AGPS: variants seen among roughly 807,000 people sequenced by gnomAD.
The protein encoded by AGPS is alkyldihydroxyacetonephosphate synthase, peroxisomal.
A neutral mutation model predicts 90.7 loss-of-function variants in AGPS; 26 were observed. The ratio of observed to expected loss-of-function variants is 0.29; its 90% confidence interval spans 0.21 to 0.40. AGPS has a LOEUF of 0.40. Among genes scored for constraint, AGPS ranks in the 10% least tolerant of loss-of-function variants. The probability of loss-of-function intolerance (pLI) is 1.00; values close to 1 mark genes in which losing one functional copy is unlikely to be tolerated. For synonymous variants in AGPS, 294 were observed against 285.3 expected, an observed-to-expected ratio of 1.03 and a Z score of -0.31; for missense variants, 540 against 816.1, an observed-to-expected ratio of 0.66 and a Z score of 4.12.
chr2:177,538,439 T>C lies in AGPS; in HGVS notation c.*244T>C, dbSNP rs2079203075. 4 of 497,370 alleles carry C rather than the reference T, an allele frequency of 8.0e-6. No homozygotes were observed. Among genetic ancestry groups the C allele is most frequent in the Non-Finnish European group, 1.4e-5 (4 of 279,478 alleles). The allele number at this position is 497,370 out of a possible 1,614,324, so 30.8% of individuals were successfully genotyped here. ...ATTCAGCGGTTGTCATTTCAAATTTTAGTCAGGCAGCACAAAGCTGTCAAT... is the reference window on the plus strand; with the variant it reads ...ATTCAGCGGTTGTCATTTCAAATTTCAGTCAGGCAGCACAAAGCTGTCAAT... On this transcript the variant is annotated 3_prime_UTR_variant, in exon 20 of 20. Transcript: ENST00000264167.
chr2:177,493,369 T>C (rs1176750681), intron 12 of AGPS, among the ~76,000 whole-genome samples, 170 bp downstream of exon 12: 1 of 152,214 alleles, frequency 6.6e-6, no homozygotes, highest in East Asian at 1.9e-4. Flanking sequence ...GTAGCAGTGT[T>C]GGAGGGCCTG....
At position 177,442,469 on chromosome 2, in the gene AGPS, T is replaced by C; in HGVS notation, c.772T>C (p.Leu258=). 6.2e-7 allele frequency: 1 copy of C among 1,611,874 alleles called. No individual in the cohort carries two copies. The highest frequency in any genetic ancestry group is 8.5e-7 in the Non-Finnish European group (1 of 1,177,970). ...PADETRTIIS[L]DTSQMNRILW... ...AGATGAGACAAGAACAATTATTTCT[T>C]TGGACACTTCACAAATGGTATTTAA... is the stretch of plus-strand genomic sequence containing the variant. The change falls in exon 7 of 20, where the codon TTG becomes CTG. Residue 258 remains leucine (L), a synonymous_variant. Transcript: ENST00000264167.
chr2:177,476,200 T>G (rs895456624), intron 10 of AGPS, among the ~76,000 whole-genome samples: 1 of 152,048 alleles, frequency 6.6e-6, no homozygotes, highest in Non-Finnish European at 1.5e-5. Flanking sequence ...TCTCTAATAA[T>G]TCCTTCTGTC....
chr2:177,428,730 C>T (rs1686151398), intron 2 of AGPS, among the ~76,000 whole-genome samples: 2 of 152,166 alleles, frequency 1.3e-5, no homozygotes, highest in Non-Finnish European at 2.9e-5. Flanking sequence ...CCTGGCCTTT[C>T]TCTCTGGCTA....
intron 3 of AGPS, 71 bp from the exon 4 acceptor site, chr2:177,436,693 A>G (rs913605632): frequency 6.9e-6 from 10 of 1,459,326 alleles, no homozygotes; most frequent in Admixed American, 1.7e-5. Context: ...TTTTATAGTC[A>G]TTCTCTCTAA....
intron 10 of AGPS, among the ~76,000 whole-genome samples, chr2:177,469,897 A>C (rs1359801049): frequency 6.6e-6 from 1 of 152,130 alleles, no homozygotes; most frequent in Non-Finnish European, 1.5e-5. Context: ...TTATGCTGGG[A>C]CATTTGAGAC....
intron 1 of AGPS, among the ~76,000 whole-genome samples, chr2:177,404,711 A>G (rs1045218664): frequency 5.3e-5 from 8 of 152,106 alleles, no homozygotes; most frequent in African/African-American, 1.7e-4. Flanking sequence ...TTTTTCTTTT[A>G]TATCAGTTGG....
chr2:177,537,346 C>G (rs2079193068), intron 19 of AGPS, among the ~76,000 whole-genome samples: 1 of 149,316 alleles, frequency 6.7e-6, no homozygotes, highest in Non-Finnish European at 1.5e-5. Flanking sequence ...AACAAATTAG[C>G]AAGACCTAGA....
Position 177,539,561 on chromosome 2 carries a change from G to A in AGPS, c.*1366G>A, listed in dbSNP as rs2079213447. ...AGATAATGTAAGTCAAAATGCAGAC[G>A]ATCCTTTAAAAGGATGCATTGTCTG... On this transcript the variant is annotated 3_prime_UTR_variant, in exon 20 of 20. Coordinates refer to ENST00000264167, the MANE Select transcript of AGPS (RefSeq NM_003659.4). 6.6e-6 allele frequency: 1 copy of A among 151,930 alleles called. No homozygotes were observed. The highest frequency in any genetic ancestry group is 6.6e-5 in the Admixed American group (1 of 15,236). 9.4% of individuals were successfully genotyped at this position (151,930 alleles called of 1,614,324 possible). A position where few individuals can be genotyped will look rare whatever the true frequency, so the allele number is the denominator to read the frequency against.
intron 8 of AGPS, among the ~76,000 whole-genome samples, chr2:177,445,858 T>C (rs1431972538): frequency 6.6e-6 from 1 of 152,192 alleles, no homozygotes; most frequent in East Asian, 1.9e-4. Context: ...TTCAGGTAGC[T>C]TAGATTAGGA....
At chr2:177,433,257 A>G (rs934386635) in intron 2 of AGPS, among the ~76,000 whole-genome samples, 1 of 152,258 alleles carries the variant, frequency 6.6e-6, no homozygotes, top group African/African-American at 2.4e-5. Context: ...AATGGAGGAT[A>G]TCCAAATGGA....
chr2:177,421,429 C>T (rs1685936688), intron 2 of AGPS, among the ~76,000 whole-genome samples: 1 of 151,858 alleles, frequency 6.6e-6, no homozygotes, highest in South Asian at 2.1e-4. Context: ...CTTTTCATTG[C>T]AATGTATTAA....
rs552580369 is a variant in AGPS, at chr2:177,434,889, G to T, written c.441+472G>T. Among the ~76,000 whole-genome samples the T allele has an allele frequency of 3.3e-5, 5 of 150,794 alleles. No individual in the cohort carries two copies. In the East Asian group the frequency reaches 9.7e-4, roughly 29 times the overall value. On this transcript the variant is annotated intron_variant, in intron 3 of 19. Transcript: ENST00000264167. ...TATTAGGATATTTAGAATATTTGAA[G>T]AATTATAAAAAGTAAAAATTTGATT...
At chr2:177,504,582 T>G (rs1199629097) in intron 14 of AGPS, among the ~76,000 whole-genome samples, 1 of 152,162 alleles carries the variant, frequency 6.6e-6, no homozygotes, top group African/African-American at 2.4e-5. Context: ...CCCATTTAGC[T>G]TGAAATTATC....
At chr2:177,537,391 G>A (rs1396671202) in intron 19 of AGPS, among the ~76,000 whole-genome samples, 2 of 152,046 alleles carry the variant, frequency 1.3e-5, no homozygotes, top group African/African-American at 4.8e-5. Context: ...GTATGTAAAA[G>A]CAAAAGATTA....
At chr2:177,529,247 G>A (rs938978780) in intron 19 of AGPS, among the ~76,000 whole-genome samples, 2 of 152,102 alleles carry the variant, frequency 1.3e-5, no homozygotes, top group East Asian at 1.9e-4. Flanking sequence ...CAGAAAGAGT[G>A]CTTGAGCCCA....
intron 5 of AGPS, 56 bp from the exon 6 acceptor site, chr2:177,440,909 G>T (rs1430407564): frequency 2.4e-5 from 35 of 1,456,486 alleles, no homozygotes; most frequent in East Asian, 4.6e-5. Flanking sequence ...ATTTGCCAAG[G>T]TTATCAGATT....
rs1472846085 is a variant in AGPS at position 177,539,596 on chromosome 2, C to T, written c.*1401C>T. The stretch of plus-strand genomic sequence containing the variant: ...AAGGATGCATTGTCTGTGTATGTAG[C>T]AACAGCTCCAAAGTATTTTTGGGCA... On this transcript the variant is annotated 3_prime_UTR_variant, in exon 20 of 20. Transcript: ENST00000264167. 1 of 151,964 alleles carries T rather than the reference C, an allele frequency of 6.6e-6. No individual in the cohort carries two copies. Among genetic ancestry groups the T allele is most frequent in the Non-Finnish European group, 1.5e-5 (1 of 67,902 alleles). 9.4% of individuals were successfully genotyped at this position (151,964 alleles called of 1,614,324 possible).
chr2:177,466,442 C>T (rs1230107583), intron 9 of AGPS, among the ~76,000 whole-genome samples: 2 of 152,226 alleles, frequency 1.3e-5, no homozygotes, highest in African/African-American at 4.8e-5. Flanking sequence ...GGCGTCAGGC[C>T]CTCCCTGGCT....
Sources: allele counts gnomAD v4.1 joint callset (sites outside exome capture counted in the v4.1 genomes callset), GRCh38; gene constraint gnomAD v4.1.1; transcripts MANE v1.5; gene names NCBI Gene and HGNC (gene_info 2026-07-23, HGNC 2026-07-21).